The following SDF4 variants were observed in gnomAD, a reference collection of about 807,000 sequenced individuals.
SDF4 encodes 45 kDa calcium-binding protein.
Under a neutral mutation model 34.2 loss-of-function variants are expected in SDF4, and 22 were observed. The ratio of observed to expected loss-of-function variants is 0.64; its 90% CI spans 0.46 to 0.92. The LOEUF (loss-of-function observed/expected upper bound fraction) is 0.92. SDF4 is among the 40% of genes least tolerant of loss of function. The pLI is 0.00. For synonymous variants in SDF4, 236 were observed against 203.1 expected, an observed-to-expected ratio of 1.16 and a Z score of -1.38; for missense variants, 447 against 499.9, an observed-to-expected ratio of 0.89 and a Z score of 1.01.
At chr1:1,225,730 ACGGGCCACACAC>A (rs1638284562) in intron 2 of SDF4, among the ~76,000 whole-genome samples, 1 of 119,818 alleles carries the variant, frequency 8.3e-6, no homozygotes, top group African/African-American at 3.5e-5. Flanking sequence ...CGCCACAGAC[ACGGGCCACACAC>A]TCCACATGCC....
chr1:1,224,926 A>G (rs576709672), intron 2 of SDF4, among the ~76,000 whole-genome samples: 1 of 152,296 alleles, frequency 6.6e-6, no homozygotes, highest in Admixed American at 6.5e-5. Flanking sequence ...ACAAGACAAA[A>G]CAAAATCCTT....
At chr1:1,220,203 T>C (rs990127210) in intron 4 of SDF4, 8 of 992,362 alleles carry the variant, frequency 8.1e-6, no homozygotes, top group Middle Eastern at 5.2e-4. Context: ...GAGCCGGGCC[T>C]CTGCTGTTAG....
intron 2 of SDF4, among the ~76,000 whole-genome samples, chr1:1,228,127 G>A (rs1638370871): frequency 6.6e-6 from 1 of 152,248 alleles, no homozygotes; most frequent in Admixed American, 6.5e-5. Context: ...AGCCTGCGGA[G>A]GCTGCCCGTG....
rs1011621640 is a variant in SDF4 at position 1,223,914 on chromosome 1, G to A, written c.360C>T (p.Ile120=). The part of the protein sequence containing the change: ...KISAKEMQRW[I]MEKTAEHFQE... ...GGAAGTGCTCGGCCGTCTTCTCCAT[G>A]ATCCAGCGCTGCATCTCCTTGGCAC... is the stretch of plus-strand genomic sequence containing the variant. The change falls in exon 3 of 7, where the codon ATC becomes ATT. Residue 120 remains isoleucine (I), a synonymous_variant. Transcript: ENST00000360001. The A allele has an allele frequency of 1.4e-5, 22 of 1,610,986 alleles. No individual in the cohort carries two copies. The highest frequency in any genetic ancestry group is 1.8e-5 in the Non-Finnish European group (21 of 1,179,806).
intron 3 of SDF4, among the ~76,000 whole-genome samples, chr1:1,223,577 G>A (rs1223404159): frequency 6.6e-6 from 1 of 152,252 alleles, no homozygotes; most frequent in Non-Finnish European, 1.5e-5. Context: ...GACACCACCA[G>A]ATGAAGGCCC....
intron 4 of SDF4, chr1:1,220,381 G>C (rs1417426138): frequency 8.7e-7 from 1 of 1,145,616 alleles, no homozygotes; most frequent in Non-Finnish European, 1.1e-6. Context: ...GAGGCGCGAG[G>C]ACAGCAGCCC....
intron 4 of SDF4, chr1:1,219,258 C>A (rs1460090664): frequency 1.3e-5 from 15 of 1,187,412 alleles, no homozygotes; most frequent in Admixed American, 3.8e-5. Flanking sequence ...CCCACAGACA[C>A]AGCCCAGACC....
At chr1:1,219,655 C>A in intron 4 of SDF4, 1 of 986,420 alleles carries the variant, frequency 1.0e-6, no homozygotes, top group Non-Finnish European at 1.2e-6. Context: ...CCGTGCCCAC[C>A]CGGCCCCAAC....
At chr1:1,220,584 A>G in intron 4 of SDF4, 1 of 1,285,660 alleles carries the variant, frequency 7.8e-7, no homozygotes, top group South Asian at 1.2e-5. Context: ...GACGGATCGG[A>G]CACGGGTGGG....
Position 1,228,911 on chromosome 1 carries a change from A to T in SDF4, c.-139T>A. ...GCACCACGGAGGGCTCTGTGTCCCC[A>T]GGACGGCCGCAGGATGGGGACAAGC... is the stretch of plus-strand genomic sequence containing the variant. On this transcript the variant is annotated 5_prime_UTR_variant, in exon 2 of 7. Coordinates refer to ENST00000360001, the MANE Select transcript of SDF4 (RefSeq NM_016176.6). 2 of 733,956 alleles carry T rather than the reference A, an allele frequency of 2.7e-6. No individual in the cohort carries two copies. The highest frequency in any genetic ancestry group is 4.4e-6 in the Non-Finnish European group (2 of 456,078). 45.5% of individuals were successfully genotyped at this position (733,956 alleles called of 1,614,324 possible).
chr1:1,219,856 C>T lies in SDF4; in HGVS notation c.557-929G>A, dbSNP rs1412383095. 5.1e-6 allele frequency: 5 copies of T among 985,768 alleles called. No homozygotes were observed. The African/African-American group carries it at 7.0e-5, about 14-fold the overall frequency. 61.1% of individuals were successfully genotyped at this position (985,768 alleles called of 1,614,324 possible). On this transcript the variant is annotated intron_variant, in intron 4 of 6. Transcript: ENST00000360001. The stretch of plus-strand genomic sequence containing the variant: ...CCTGGCCGAAGCCCCTGCCACAAGC[C>T]CGGCAGCCTCTGCGTCGCGCTCACT...
intron 4 of SDF4, chr1:1,220,579 A>C: frequency 7.8e-7 from 1 of 1,284,152 alleles, no homozygotes; most frequent in Non-Finnish European, 1.0e-6. Flanking sequence ...GCCAAGACGG[A>C]TCGGACACGG....
chr1:1,219,422 G>A (rs916333037), intron 4 of SDF4: 13 of 1,013,636 alleles, frequency 1.3e-5, no homozygotes, highest in Admixed American at 1.0e-4. Flanking sequence ...CCACACCCGC[G>A]CCTGCCCCTC....
intron 4 of SDF4, among the ~76,000 whole-genome samples, chr1:1,222,021 G>A (rs140087332): frequency 6.6e-6 from 1 of 152,174 alleles, no homozygotes; most frequent in Non-Finnish European, 1.5e-5. Flanking sequence ...AAGTTAAGCA[G>A]GCACAAAAAA....
At chr1:1,221,865 G>T (rs1170486002) in intron 4 of SDF4, among the ~76,000 whole-genome samples, 1 of 152,002 alleles carries the variant, frequency 6.6e-6, no homozygotes, top group African/African-American at 2.4e-5. Flanking sequence ...TAGGAGGATC[G>T]CCTGAGCCCT....
chr1:1,229,461 C>T (rs1638426217), intron 1 of SDF4, among the ~76,000 whole-genome samples: 1 of 152,258 alleles, frequency 6.6e-6, no homozygotes, highest in South Asian at 2.1e-4. Context: ...ATCCTCTTGC[C>T]TCAGTCTCCC....
intron 4 of SDF4, chr1:1,220,313 G>A (rs1441337757): frequency 4.6e-6 from 5 of 1,098,202 alleles, no homozygotes; most frequent in East Asian, 7.4e-5. Flanking sequence ...GATGGAGGCG[G>A]GGGAAGGGAG....
In SDF4 at chr1:1,217,486, G is replaced by A. The variant is rs1266030002; in HGVS notation, c.*26C>T. ...CGAGGCCGCCCCGGTGGTGCGTGGG[G>A]GGCGGCGCGGGGCGCGGCCGGGCGC... is the stretch of plus-strand genomic sequence containing the variant. On this transcript the variant is annotated 3_prime_UTR_variant, in exon 7 of 7. Transcript: ENST00000360001. This position sits in a 1 kb window ranked among gnomAD's most constrained non-coding sequence, Gnocchi z 8.5. 8.0e-6 allele frequency: 12 copies of A among 1,491,964 alleles called. No individual in the cohort carries two copies. Among genetic ancestry groups the A allele is most frequent in the Non-Finnish European group, 1.1e-5 (12 of 1,118,858 alleles). The allele number at this position is 1,491,964 out of a possible 1,614,324, so 92.4% of individuals were successfully genotyped here.
At chr1:1,220,974 G>C in intron 4 of SDF4, 1 of 358,634 alleles carries the variant, frequency 2.8e-6, no homozygotes, top group Non-Finnish European at 5.5e-6. Flanking sequence ...GTCCAATTTG[G>C]CCGGGCACTG....
Sources: allele counts gnomAD v4.1 joint callset (sites outside exome capture counted in the v4.1 genomes callset), GRCh38; gene constraint gnomAD v4.1.1; non-coding constraint Gnocchi (gnomAD v3.1); transcripts MANE v1.5; gene names NCBI Gene and HGNC (gene_info 2026-07-23, HGNC 2026-07-21).